The following SLF1 variants were observed in gnomAD, a reference collection of about 807,000 sequenced individuals.
SLF1 encodes the protein SMC5/6 complex localization factor 1, also known as SMC5-SMC6 complex localization factor protein 1.
SLF1 carries 105 observed loss-of-function variants against 123.0 expected under a neutral mutation model. The ratio of observed to expected loss-of-function variants is 0.85; its 90% CI spans 0.73 to 1.00. The LOEUF is 1.00. Among genes scored for constraint, SLF1 ranks in the 50% least tolerant of loss-of-function variants. SLF1 has a pLI of 0.00. For missense variants in SLF1, 1,239 were observed against 1,223.0 expected (o/e 1.01, Z -0.20); for synonymous variants, 434 against 406.6 (o/e 1.07, Z -0.81).
intron 4 of SLF1, among the ~76,000 whole-genome samples, chr5:94,634,192 G>A (rs1212852558): frequency 6.6e-6 from 1 of 152,038 alleles, no homozygotes; most frequent in Non-Finnish European, 1.5e-5. Flanking sequence ...TATTTATACT[G>A]AATTCCTGTT....
In SLF1 at chr5:94,695,309, A is replaced by G. The variant is rs1753451425; in HGVS notation, c.3174A>G (p.Ser1058=). ...TGTGTCGGTCAGTCATGGAGTTTTC[A>G]TGATGATGCTAGAAAGTATGGATTG... The part of the protein sequence containing the change: ...EMMCRSVMEF[S] Residue 1058 remains serine (S), a synonymous_variant, in exon 21 of 21, where the codon TCA becomes TCG. Coordinates refer to ENST00000265140, the MANE Select transcript of SLF1 (RefSeq NM_032290.4). The G allele has an allele frequency of 1.9e-6, 3 of 1,601,910 alleles. No individual in the cohort carries two copies. Among genetic ancestry groups the G allele is most frequent in the South Asian group, 2.2e-5 (2 of 89,494 alleles).
Position 94,660,557 on chromosome 5 carries a change from C to T in SLF1, c.1156-1741C>T, listed in dbSNP as rs576439766. ...CAGCCTCTGGCTGCAGCAGACAAGG[C>T]GGTCTGATCCCCACGTCCTCGTATT... On this transcript the variant is annotated intron_variant, in intron 9 of 20. Transcript: ENST00000265140. Among the ~76,000 whole-genome samples the T allele has an allele frequency of 3.3e-5, 5 of 152,228 alleles. No individual in the cohort carries two copies. In the South Asian group the frequency reaches 6.2e-4, roughly 19 times the overall value.
chr5:94,623,471 C>G (rs1223578124), intron 1 of SLF1, among the ~76,000 whole-genome samples: 2 of 151,930 alleles, frequency 1.3e-5, no homozygotes, highest in Non-Finnish European at 2.9e-5. Context: ...AAGTCATGCT[C>G]TCTTTTTTGC....
At chr5:94,620,068 C>T (rs554887684) in intron 1 of SLF1, 5 of 152,252 alleles carry the variant, frequency 3.3e-5, no homozygotes, top group African/African-American at 9.6e-5. Flanking sequence ...TTAATAGAGA[C>T]AGGGTTTCAC....
chr5:94,625,868 C>T (rs1262475764), intron 1 of SLF1, among the ~76,000 whole-genome samples: 1 of 152,064 alleles, frequency 6.6e-6, no homozygotes, highest in Non-Finnish European at 1.5e-5. Context: ...ACAGCATATT[C>T]TTCATAGTTT....
At chr5:94,663,411 A>T (rs891301594) in intron 10 of SLF1, among the ~76,000 whole-genome samples, 1 of 152,262 alleles carries the variant, frequency 6.6e-6, no homozygotes, top group African/African-American at 2.4e-5. Flanking sequence ...TGGGAGGCCA[A>T]GGCAAGTGGA....
intron 4 of SLF1, among the ~76,000 whole-genome samples, chr5:94,640,671 T>A (rs72773528): frequency 0.22 from 33,890 of 151,978 alleles, 3,897 homozygotes; most frequent in East Asian, 0.34. Context: ...GTTCTTTTTT[T>A]AAAAAAAAAT....
intron 14 of SLF1, among the ~76,000 whole-genome samples, 194 bp downstream of exon 14, chr5:94,671,202 G>T (rs553602795): frequency 6.6e-6 from 1 of 151,862 alleles, no homozygotes; most frequent in Admixed American, 6.5e-5. Context: ...TCTCATGTTT[G>T]CATGTAGTAG....
chr5:94,649,502 G>C lies in SLF1; in HGVS notation c.643G>C (p.Glu215Gln). Residue 215 changes from glutamate (E) to glutamine (Q), a missense_variant, in exon 6 of 21, where the codon GAA becomes CAA. Glu to Gln is a conservative substitution (Grantham distance 29, BLOSUM62 2). Transcript: ENST00000265140. ...EDSQTNSVWT[E>Q]HSNEETNKDF... The stretch of plus-strand genomic sequence containing the variant: ...TTCCCAAACCAATTCTGTTTGGACT[G>C]AACATAGCAATGAAGAAACAAACAA... 1.9e-6 allele frequency: 3 copies of C among 1,543,348 alleles called. No homozygotes were observed. The highest frequency in any genetic ancestry group is 1.7e-4 in the Middle Eastern group (1 of 5,932).
chr5:94,626,319 A>C (rs1269916713), intron 1 of SLF1, among the ~76,000 whole-genome samples: 3 of 151,870 alleles, frequency 2.0e-5, no homozygotes, highest in African/African-American at 7.3e-5. Context: ...AAGAAGCTTG[A>C]TTTATTTACT....
intron 4 of SLF1, among the ~76,000 whole-genome samples, chr5:94,635,850 C>T (rs1745709270): frequency 6.6e-6 from 1 of 152,114 alleles, no homozygotes; most frequent in South Asian, 2.1e-4. Context: ...CATTTTAGTC[C>T]AGAGTATTCT....
Position 94,695,255 on chromosome 5 carries a change from T to A in SLF1, c.3120T>A (p.Thr1040=), listed in dbSNP as rs1243779143. 6.2e-7 allele frequency: 1 copy of A among 1,612,150 alleles called. No homozygotes were observed. The highest frequency in any genetic ancestry group is 1.7e-5 in the Admixed American group (1 of 59,918). ...ENLKVCPGVH[T]EALMITLEMM... ...TGAAAGTGTGTCCTGGGGTACACAC[T>A]GAGGCCTTGATGATAACATTGGAAA... is the stretch of plus-strand genomic sequence containing the variant. Residue 1040 remains threonine, a synonymous_variant, in exon 21 of 21, where the codon ACT becomes ACA. Transcript: ENST00000265140.
intron 8 of SLF1, 60 bp from the exon 9 acceptor site, chr5:94,654,545 CTCTTATATTGTCCTTTGTGATATCA>C: frequency 1.9e-6 from 2 of 1,077,508 alleles, no homozygotes; most frequent in Non-Finnish European, 2.5e-6. Flanking sequence ...GAATGTGTTC[CTCTTATATTGTCCTTTGTGATATCA>C]TCTGTGTTGA....
At chr5:94,685,790 G>A (rs1046146497) in intron 15 of SLF1, among the ~76,000 whole-genome samples, 3 of 149,902 alleles carry the variant, frequency 2.0e-5, no homozygotes, top group East Asian at 2.0e-4. Context: ...AGCCGAGATC[G>A]CACCACTGCA....
At chr5:94,688,721 C>G (rs1460995952) in intron 17 of SLF1, 52 bp downstream of exon 17, 4 of 1,578,078 alleles carry the variant, frequency 2.5e-6, no homozygotes, top group Non-Finnish European at 3.5e-6. Flanking sequence ...ACAGCTCTTT[C>G]TCTGATGCAT....
At chr5:94,643,152 A>G (rs1746637655) in intron 4 of SLF1, 121 bp from the exon 5 acceptor site, 1 of 675,284 alleles carries the variant, frequency 1.5e-6, no homozygotes, top group East Asian at 3.2e-5. Flanking sequence ...TCAATTGCCC[A>G]AAGAAATTAG....
intron 4 of SLF1, among the ~76,000 whole-genome samples, chr5:94,639,511 T>C (rs1331265784): frequency 2.0e-5 from 3 of 152,206 alleles, no homozygotes; most frequent in Non-Finnish European, 2.9e-5. Context: ...AAACAGTATC[T>C]TTTTGCAAGT....
chr5:94,649,411 A>G, intron 5 of SLF1, 43 bp from the exon 6 acceptor site: 1 of 1,376,732 alleles, frequency 7.3e-7, no homozygotes, highest in Non-Finnish European at 9.6e-7. Flanking sequence ...AATATTGAAA[A>G]TACACTTAGA....
intron 11 of SLF1, 125 bp downstream of exon 11, chr5:94,664,033 T>C (rs1320197860): frequency 4.5e-6 from 4 of 896,460 alleles, no homozygotes; most frequent in African/African-American, 3.5e-5. Context: ...TTCATTTCAC[T>C]AATGCAGTAC....
Sources: gnomAD v4.1 joint callset for allele counts (sites outside exome capture counted in the v4.1 genomes callset) on GRCh38, gnomAD v4.1.1 for gene constraint, MANE v1.5 for transcripts, NCBI Gene and HGNC (gene_info 2026-07-23, HGNC 2026-07-21) for gene names.